Variants in MAGI2 observed in about 807,000 individuals in gnomAD.
MAGI2 encodes the protein membrane associated guanylate kinase, WW and PDZ domain containing 2.
A neutral mutation model predicts 133.3 loss-of-function variants in MAGI2; 35 were observed. The observed-to-expected ratio is 0.26, with a 90% confidence interval of 0.20 to 0.35. MAGI2 has a LOEUF of 0.35. Ranked by LOEUF, MAGI2 falls within the 10% of genes least tolerant of loss-of-function variation. The pLI is 1.00. For synonymous variants in MAGI2, 729 were observed against 710.6 expected (o/e 1.03, Z -0.41); for missense variants, 1,636 against 1,863.4 (o/e 0.88, Z 2.25).
chr7:78,216,413 A>G (rs985038322), intron 10 of MAGI2, among the ~76,000 whole-genome samples: 1 of 152,240 alleles, frequency 6.6e-6, no homozygotes, highest in South Asian at 2.1e-4. Flanking sequence ...TCACTCATCT[A>G]CTTGAAACCT....
At chr7:79,411,029 C>G (rs539391708) in intron 1 of MAGI2, 2 of 151,996 alleles carry the variant, frequency 1.3e-5, no homozygotes, top group Admixed American at 6.6e-5. Context: ...TAGCCTGTAG[C>G]GAGGTGAGGG....
At chr7:79,138,270 T>A (rs552548579) in intron 1 of MAGI2, among the ~76,000 whole-genome samples, 2 of 152,288 alleles carry the variant, frequency 1.3e-5, no homozygotes, top group African/African-American at 4.8e-5. Flanking sequence ...GAACTCATAT[T>A]CTCTGGATGG....
At chr7:78,203,343 T>G (rs1829442239) in intron 10 of MAGI2, among the ~76,000 whole-genome samples, 1 of 152,192 alleles carries the variant, frequency 6.6e-6, no homozygotes, top group African/African-American at 2.4e-5. Context: ...AAGATGATTT[T>G]CCCTCCTATA....
intron 21 of MAGI2, among the ~76,000 whole-genome samples, chr7:78,028,578 G>C (rs1308823644): frequency 1.3e-5 from 2 of 152,182 alleles, no homozygotes. Context: ...TATTAGGCCA[G>C]GTGTGGTGGT....
At chr7:78,457,693 C>T (rs1401566471) in intron 6 of MAGI2, among the ~76,000 whole-genome samples, 1 of 152,146 alleles carries the variant, frequency 6.6e-6, no homozygotes. Context: ...AGACATTTTA[C>T]ATATTATCTC....
chr7:79,034,762 G>A (rs116423012), intron 1 of MAGI2, among the ~76,000 whole-genome samples: 3,004 of 104,082 alleles, frequency 0.029, 87 homozygotes, highest in African/African-American at 0.095. Context: ...CACATAAGAC[G>A]AAACCACTCA....
intron 2 of MAGI2, among the ~76,000 whole-genome samples, chr7:78,700,469 A>T (rs1361941407): frequency 1.3e-5 from 2 of 152,094 alleles, no homozygotes; most frequent in Non-Finnish European, 2.9e-5. Context: ...CAAAAACCTT[A>T]AGAAAATATG....
Position 78,656,892 on chromosome 7 carries a change from G to T in MAGI2, c.419-29653C>A, listed in dbSNP as rs942261782. Among the ~76,000 whole-genome samples, 11 of 148,852 alleles carry T rather than the reference G, an allele frequency of 7.4e-5. No individual in the cohort carries two copies. The South Asian group carries it at 2.3e-3, about 32-fold the overall frequency. On this transcript the variant is annotated intron_variant, in intron 2 of 21. Transcript: ENST00000354212. ...TGAAAAGACAAGCCACAGACTGAGA[G>T]AAAATATTGGCAAAAAGTGTATATG... is the stretch of plus-strand genomic sequence containing the variant.
At chr7:78,264,538 T>C (rs553562629) in intron 9 of MAGI2, among the ~76,000 whole-genome samples, 1 of 152,174 alleles carries the variant, frequency 6.6e-6, no homozygotes, top group African/African-American at 2.4e-5. Flanking sequence ...GAATCCACTG[T>C]ATTTGCTAGG....
chr7:78,204,594 C>G (rs903818556), intron 10 of MAGI2, among the ~76,000 whole-genome samples: 1 of 152,112 alleles, frequency 6.6e-6, no homozygotes, highest in Non-Finnish European at 1.5e-5. Context: ...TTAGAATTCT[C>G]TGGTGGGATT....
chr7:78,172,807 TTTTG>T (rs1367928007), intron 14 of MAGI2, among the ~76,000 whole-genome samples: 2 of 152,168 alleles, frequency 1.3e-5, no homozygotes, highest in Admixed American at 1.3e-4. Context: ...GGCTAGCACA[TTTTG>T]TTTGTTATCT....
chr7:78,216,002 T>C (rs1011892092), intron 10 of MAGI2, among the ~76,000 whole-genome samples: 1 of 152,084 alleles, frequency 6.6e-6, no homozygotes, highest in Non-Finnish European at 1.5e-5. Context: ...CACTGATACA[T>C]AAAAAATGAA....
At chr7:78,573,399 T>TATATAC (rs1563189729) in intron 3 of MAGI2, among the ~76,000 whole-genome samples, 2 of 70,022 alleles carry the variant, frequency 2.9e-5, no homozygotes, top group African/African-American at 1.1e-4. Flanking sequence ...TATATATATA[T>TATATAC]ATATAGGCTG....
At chr7:78,293,088 TCTAATTAAA>T (rs1796883500) in intron 9 of MAGI2, among the ~76,000 whole-genome samples, 1 of 152,082 alleles carries the variant, frequency 6.6e-6, no homozygotes. Flanking sequence ...ACAAATGGGA[TCTAATTAAA>T]CTAAAGAGCT....
At chr7:78,236,141 T>C (rs1295604282) in intron 10 of MAGI2, among the ~76,000 whole-genome samples, 1 of 151,996 alleles carries the variant, frequency 6.6e-6, no homozygotes, top group Non-Finnish European at 1.5e-5. Flanking sequence ...TACCCATTAG[T>C]GTTAAACTCC....
chr7:78,676,973 C>T (rs2151086200), intron 2 of MAGI2, among the ~76,000 whole-genome samples: 1 of 152,206 alleles, frequency 6.6e-6, no homozygotes, highest in East Asian at 1.9e-4. Flanking sequence ...GCCTGTTAGG[C>T]TGTTATCCTA....
At chr7:78,765,833 A>C (rs1391531014) in intron 2 of MAGI2, among the ~76,000 whole-genome samples, 1 of 152,184 alleles carries the variant, frequency 6.6e-6, no homozygotes, top group Non-Finnish European at 1.5e-5. Flanking sequence ...CGAGAAGTGT[A>C]ATGAAGAAAA....
intron 3 of MAGI2, among the ~76,000 whole-genome samples, chr7:78,584,864 C>G (rs545811849): frequency 6.6e-6 from 1 of 152,240 alleles, no homozygotes; most frequent in African/African-American, 2.4e-5. Flanking sequence ...AGTTACTTAG[C>G]CACTCAATTT....
chr7:78,256,269 G>T lies in MAGI2; in HGVS notation c.1721C>A (p.Thr574Asn). The change falls in exon 10 of 22, where the codon ACT becomes AAT. Residue 574 changes from threonine (T) to asparagine (N), a missense_variant. This residue lies in a region of MAGI2 where 920 missense variants were observed against 1,093.5 expected (regional missense o/e 0.84). Coordinates refer to ENST00000354212, the MANE Select transcript of MAGI2 (RefSeq NM_012301.4). ...ATACGTGCCGTCTAGCTGACCATCA[G>T]TTGGCATGGAGTGCAGAGAATGAGG... is the stretch of plus-strand genomic sequence containing the variant. ...RPPHSLHSMP[T>N]DGQLDGTYPP... 6.2e-7 allele frequency: 1 copy of T among 1,614,066 alleles called. No individual in the cohort carries two copies. The highest frequency in any genetic ancestry group is 2.2e-5 in the East Asian group (1 of 44,842).
Sources: allele counts gnomAD v4.1 joint callset (sites outside exome capture counted in the v4.1 genomes callset), GRCh38; gene constraint gnomAD v4.1.1; regional missense constraint gnomAD v4.1.1; transcripts MANE v1.5; gene names NCBI Gene and HGNC (gene_info 2026-07-23, HGNC 2026-07-21).